The following ACKR3 variants were observed in gnomAD, a reference collection of about 807,000 sequenced individuals.
ACKR3 encodes atypical chemokine receptor 3.
In ACKR3, 6 loss-of-function variants were observed where a neutral mutation model predicts 22.4. The ratio of observed to expected loss-of-function variants is 0.27; its 90% CI spans 0.15 to 0.53. The LOEUF (loss-of-function observed/expected upper bound fraction) is 0.53. Ranked by LOEUF, ACKR3 falls within the 20% of genes least tolerant of loss-of-function variation. The probability of loss-of-function intolerance (pLI) is 0.96; values close to 1 mark genes in which losing one functional copy is unlikely to be tolerated. For synonymous variants in ACKR3, 209 were observed against 205.2 expected (o/e 1.02, Z -0.16); for missense variants, 396 against 475.2 (o/e 0.83, Z 1.55).
chr2:236,562,963 C>T (rs1691102900), upstream of ACKR3, among the ~76,000 whole-genome samples: 1 of 152,128 alleles, frequency 6.6e-6, no homozygotes, highest in Non-Finnish European at 1.5e-5. Flanking sequence ...TGTTCACATT[C>T]AGTAATTTTC....
At chr2:236,559,790 A>C in the ACKR3 span, among the ~76,000 whole-genome samples, 1 of 152,156 alleles carries the variant, frequency 6.6e-6, no homozygotes, top group Non-Finnish European at 1.5e-5. Flanking sequence ...ACAGATTAAT[A>C]TGACTGTCCT....
chr2:236,548,446 A>C, the ACKR3 span, among the ~76,000 whole-genome samples: 9 of 152,172 alleles, frequency 5.9e-5, no homozygotes, highest in Non-Finnish European at 1.2e-4. The surrounding 1 kb of genome is among the most constrained non-coding windows in gnomAD (Gnocchi z 4.3). Context: ...GTTATTTTGA[A>C]TTCTCAGGGA....
At chr2:236,566,718 C>CCCTCCCTT (rs1553634520), upstream of ACKR3, among the ~76,000 whole-genome samples, 6 of 114,568 alleles carry the variant, frequency 5.2e-5, no homozygotes, top group Middle Eastern at 4.1e-3. Context: ...TCCTTTCCTT[C>CCCTCCCTT]CCTTCCTTCC....
the ACKR3 span, among the ~76,000 whole-genome samples, chr2:236,548,156 T>C: frequency 6.6e-6 from 1 of 152,244 alleles, no homozygotes; most frequent in Admixed American, 6.5e-5. This position sits in a 1 kb window ranked among gnomAD's most constrained non-coding sequence, Gnocchi z 4.3. Flanking sequence ...GTTTTACAGG[T>C]TTGATCCTGC....
At chr2:236,568,304 C>A (rs1691231546), upstream of ACKR3, among the ~76,000 whole-genome samples, 1 of 152,230 alleles carries the variant, frequency 6.6e-6, no homozygotes, top group Non-Finnish European at 1.5e-5. Flanking sequence ...CAGAGGGGAT[C>A]CCCGTACATT....
rs1691443810 is a variant in ACKR3, at chr2:236,577,863, C to T, written c.-26-2577C>T. ...TGGGGACAGAGCAGGGAGCCCAAGC[C>T]AGGCGCCAGCCGAGCTCCCTCTGGA... On this transcript the variant is annotated intron_variant, in intron 1 of 1. Coordinates refer to ENST00000272928, the MANE Select transcript of ACKR3 (RefSeq NM_020311.3). This position sits in a 1 kb window ranked among gnomAD's most constrained non-coding sequence, Gnocchi z 5.6. Among the ~76,000 whole-genome samples, 1 of 152,242 alleles carries T rather than the reference C, an allele frequency of 6.6e-6. No homozygotes were observed. The highest frequency in any genetic ancestry group is 1.5e-5 in the Non-Finnish European group (1 of 68,040).
chr2:236,544,017 G>A, the ACKR3 span, among the ~76,000 whole-genome samples: 43 of 128,938 alleles, frequency 3.3e-4, no homozygotes, highest in Admixed American at 1.3e-3. The surrounding 1 kb of genome is among the most constrained non-coding windows in gnomAD (Gnocchi z 5.0). Flanking sequence ...TTGAGACAGA[G>A]TCTTGCTCTG....
At chr2:236,563,152 A>G (rs1165696266), upstream of ACKR3, among the ~76,000 whole-genome samples, 5 of 152,210 alleles carry the variant, frequency 3.3e-5, no homozygotes, top group Non-Finnish European at 7.3e-5. Flanking sequence ...AAGTTTTCCT[A>G]AAACATTTAC....
upstream of ACKR3, among the ~76,000 whole-genome samples, chr2:236,568,632 G>A (rs1691240870): frequency 2.0e-5 from 3 of 152,266 alleles, no homozygotes; most frequent in South Asian, 6.2e-4. Flanking sequence ...TGGGCAGCCA[G>A]TTCAGGAGAA....
chr2:236,555,670 T>C, the ACKR3 span, among the ~76,000 whole-genome samples: 20 of 152,158 alleles, frequency 1.3e-4, no homozygotes, highest in Non-Finnish European at 2.5e-4. Context: ...CTGGTTCCTG[T>C]CATTCCTGAG....
the ACKR3 span, among the ~76,000 whole-genome samples, chr2:236,544,878 A>G: frequency 6.6e-6 from 1 of 152,222 alleles, no homozygotes; most frequent in Non-Finnish European, 1.5e-5. The surrounding 1 kb of genome is among the most constrained non-coding windows in gnomAD (Gnocchi z 5.0). Context: ...GTATAACATA[A>G]TATAGAAGAC....
At chr2:236,560,162 C>A in the ACKR3 span, among the ~76,000 whole-genome samples, 1 of 152,096 alleles carries the variant, frequency 6.6e-6, no homozygotes, top group African/African-American at 2.4e-5. Context: ...GAATACATAT[C>A]CAGAAGTGGG....
intron 1 of ACKR3, among the ~76,000 whole-genome samples, chr2:236,570,373 G>A (rs532288468): frequency 3.3e-5 from 5 of 152,316 alleles, no homozygotes; most frequent in East Asian, 1.9e-4. Context: ...CAGTAAATAC[G>A]TAATTCCAGA....
chr2:236,562,980 G>A (rs989191720), upstream of ACKR3, among the ~76,000 whole-genome samples: 7 of 152,192 alleles, frequency 4.6e-5, no homozygotes, highest in East Asian at 9.6e-4. Flanking sequence ...TTTCATGTAA[G>A]CCCTTCTGGT....
upstream of ACKR3, among the ~76,000 whole-genome samples, chr2:236,563,310 A>G (rs1574968281): frequency 6.6e-6 from 1 of 152,210 alleles, no homozygotes; most frequent in African/African-American, 2.4e-5. Flanking sequence ...GCACGCGCCA[A>G]GCACAGTGTG....
upstream of ACKR3, among the ~76,000 whole-genome samples, chr2:236,567,401 G>T (rs190354946): frequency 9.8e-5 from 15 of 152,324 alleles, no homozygotes; most frequent in African/African-American, 2.9e-4. Context: ...GGACCCAGCC[G>T]GGACCCCTAG....
the ACKR3 span, among the ~76,000 whole-genome samples, chr2:236,544,272 G>A: frequency 6.6e-5 from 10 of 151,980 alleles, no homozygotes; most frequent in African/African-American, 2.4e-4. This position sits in a 1 kb window ranked among gnomAD's most constrained non-coding sequence, Gnocchi z 5.0. Context: ...ACAGGCGTGA[G>A]CCACCGCGCC....
Position 236,581,239 on chromosome 2 carries a change from G to T in ACKR3, c.774G>T (p.Val258=). Residue 258 remains valine, a synonymous_variant, in exon 2 of 2, where the codon GTG becomes GTT. Coordinates refer to ENST00000272928, the MANE Select transcript of ACKR3 (RefSeq NM_020311.3). This position sits in a 1 kb window ranked among gnomAD's most constrained non-coding sequence, Gnocchi z 4.4. The part of the protein sequence containing the change: ...HSSRKIIFSY[V]VVFLVCWLPY... ...GCCGGAAGATCATCTTCTCCTACGT[G>T]GTGGTCTTCCTTGTCTGCTGGCTGC... is the stretch of plus-strand genomic sequence containing the variant. The T allele has an allele frequency of 6.2e-7, 1 of 1,614,058 alleles. No homozygotes were observed. The highest frequency in any genetic ancestry group is 2.2e-5 in the East Asian group (1 of 44,876).
chr2:236,556,396 G>A, the ACKR3 span, among the ~76,000 whole-genome samples: 11 of 152,252 alleles, frequency 7.2e-5, no homozygotes, highest in South Asian at 1.7e-3. Flanking sequence ...GTGTGATTAA[G>A]TTCAGGGTCT....
Sources: allele counts gnomAD v4.1 joint callset (sites outside exome capture counted in the v4.1 genomes callset), GRCh38; gene constraint gnomAD v4.1.1; non-coding constraint Gnocchi (gnomAD v3.1); transcripts MANE v1.5; gene names NCBI Gene and HGNC (gene_info 2026-07-23, HGNC 2026-07-21).